MKLN1: variants seen among roughly 807,000 people sequenced by gnomAD.
The protein encoded by MKLN1 is muskelin.
A neutral mutation model predicts 99.0 loss-of-function variants in MKLN1; 18 were observed. The ratio of observed to expected loss-of-function variants is 0.18; its 90% confidence interval spans 0.13 to 0.27. MKLN1 has a LOEUF of 0.27. MKLN1 is among the 10% of genes least tolerant of loss of function. The pLI is 1.00. For missense variants in MKLN1, 621 were observed against 875.9 expected, an observed-to-expected ratio of 0.71 and a Z score of 3.67; for synonymous variants, 288 against 293.2, an observed-to-expected ratio of 0.98 and a Z score of 0.18.
At chr7:131,385,371 G>A (rs1793981320) in intron 2 of MKLN1, among the ~76,000 whole-genome samples, 1 of 150,892 alleles carries the variant, frequency 6.6e-6, no homozygotes. Flanking sequence ...TTTCATTTGG[G>A]TTTATACCTA....
At chr7:131,353,768 A>G (rs2116772757) in intron 1 of MKLN1, among the ~76,000 whole-genome samples, 1 of 148,764 alleles carries the variant, frequency 6.7e-6, no homozygotes, top group African/African-American at 2.5e-5. Flanking sequence ...ATTTTCATTC[A>G]TGATTCATTA....
At chr7:131,165,510 G>A (rs1796111005) in intron 2 of MKLN1, among the ~76,000 whole-genome samples, 1 of 152,140 alleles carries the variant, frequency 6.6e-6, no homozygotes, top group Non-Finnish European at 1.5e-5. Context: ...TTACACAGAA[G>A]GTGTAGGGAA....
chr7:131,244,684 C>T (rs1420765012), intron 3 of MKLN1, among the ~76,000 whole-genome samples: 1 of 152,134 alleles, frequency 6.6e-6, no homozygotes, highest in African/African-American at 2.4e-5. Flanking sequence ...ACGGTGATGA[C>T]GATGATGACG....
At chr7:131,432,931 A>G (rs1045918745) in intron 9 of MKLN1, among the ~76,000 whole-genome samples, 1 of 152,194 alleles carries the variant, frequency 6.6e-6, no homozygotes, top group Admixed American at 6.5e-5. Flanking sequence ...GTCATGTAAA[A>G]ATAACTTTGA....
At chr7:131,227,523 T>TTCTTTCTTTCTTTCTTTCTC (rs1305816787) in intron 3 of MKLN1, among the ~76,000 whole-genome samples, 4 of 148,988 alleles carry the variant, frequency 2.7e-5, no homozygotes, top group Admixed American at 2.0e-4. Flanking sequence ...CTTTCTTTCT[T>TTCTTTCTTTCTTTCTTTCTC]TCTTTCTTTC....
At chr7:131,114,938 G>GAA (rs762049373) in intron 1 of MKLN1, among the ~76,000 whole-genome samples, 2 of 121,078 alleles carry the variant, frequency 1.7e-5, no homozygotes, top group East Asian at 2.3e-4. Context: ...TCTGTCTCAA[G>GAA]AAAAAAAAAA....
At chr7:131,116,421 G>A (rs970492483) in intron 1 of MKLN1, among the ~76,000 whole-genome samples, 1 of 152,016 alleles carries the variant, frequency 6.6e-6, no homozygotes, top group Non-Finnish European at 1.5e-5. Context: ...TCACAAGGCT[G>A]TTAGGAAAAT....
chr7:131,190,401 G>A (rs1451899907), intron 2 of MKLN1, among the ~76,000 whole-genome samples: 1 of 150,978 alleles, frequency 6.6e-6, no homozygotes, highest in Non-Finnish European at 1.5e-5. Flanking sequence ...AAGACAGTCA[G>A]CAGAACAGCA....
At chr7:131,253,935 A>G (rs1797619222) in intron 3 of MKLN1, among the ~76,000 whole-genome samples, 1 of 152,234 alleles carries the variant, frequency 6.6e-6, no homozygotes, top group Non-Finnish European at 1.5e-5. Flanking sequence ...TCCTGAGGTC[A>G]GAACAAACCT....
intron 1 of MKLN1, among the ~76,000 whole-genome samples, chr7:131,141,054 GA>G (rs1450483809): frequency 6.6e-6 from 1 of 152,046 alleles, no homozygotes; most frequent in African/African-American, 2.4e-5. Flanking sequence ...AAAGTGCTGG[GA>G]TTACAGGTGT....
At chr7:131,419,934 A>G (rs1795141199) in intron 8 of MKLN1, among the ~76,000 whole-genome samples, 1 of 152,224 alleles carries the variant, frequency 6.6e-6, no homozygotes, top group African/African-American at 2.4e-5. Context: ...CTTGCATTTT[A>G]ACAAAACAAA....
In MKLN1 at chr7:131,247,228, C is replaced by CTT. The variant is rs1274190670; in HGVS notation, c.-179+44259_-179+44260dup. 1.5e-4 allele frequency among the ~76,000 whole-genome samples: 15 copies of CTT among 97,524 alleles called. No homozygotes were observed. In the East Asian group the frequency reaches 0.011, roughly 74 times the overall value. 64.0% of individuals were successfully genotyped at this position (97,524 alleles called of 152,430 possible). A position where few individuals can be genotyped will look rare whatever the true frequency, so the allele number is the denominator to read the frequency against. On this transcript the variant is annotated intron_variant, in intron 3 of 7. Transcript: ENST00000416992. ...CTTTTTTTTACCTTTTCTTCTTTTT[C>CTT]TTTTTTCTTTTTTTTTTTTTTGTCA...
At chr7:131,174,084 C>T (rs951457311) in intron 2 of MKLN1, among the ~76,000 whole-genome samples, 8 of 151,388 alleles carry the variant, frequency 5.3e-5, no homozygotes, top group South Asian at 2.1e-4. Context: ...GCCATTCTCC[C>T]GCCTCAGCCT....
rs149153483 is a variant in MKLN1, at chr7:131,185,093, T to A, written c.-296-17764T>A. 2.6e-5 allele frequency among the ~76,000 whole-genome samples: 4 copies of A among 152,180 alleles called. No homozygotes were observed. In the East Asian group the frequency reaches 7.8e-4, roughly 30 times the overall value. ...GTGGTGGGAGAAATCAGATCAGAGT[T>A]CAGAATGCACCGTAATGCTCTGTAA... On this transcript the variant is annotated intron_variant, in intron 2 of 7. Transcript: ENST00000416992.
chr7:131,273,729 A>AT (rs1194864757), intron 3 of MKLN1, among the ~76,000 whole-genome samples: 4 of 150,464 alleles, frequency 2.7e-5, no homozygotes, highest in African/African-American at 4.9e-5. Context: ...GGCTCAAGTG[A>AT]TCCCCCCACC....
chr7:131,194,448 T>C (rs1796613109), intron 2 of MKLN1, among the ~76,000 whole-genome samples: 1 of 152,224 alleles, frequency 6.6e-6, no homozygotes, highest in African/African-American at 2.4e-5. Context: ...TGAGTGCATA[T>C]AACAGGTGAG....
rs193094298 is a variant in MKLN1, at chr7:131,460,137, T to C, written c.1526-3080T>C. On this transcript the variant is annotated intron_variant, in intron 12 of 17. Transcript: ENST00000352689. ...TTATTCTTGTTTTGCACATGAAATA[T>C]TCTCTTTAATCTCCTCAAGGATACT... 2.0e-3 allele frequency among the ~76,000 whole-genome samples: 307 copies of C among 152,300 alleles called. 3 individuals are homozygous for C. The highest frequency in any genetic ancestry group is 6.9e-3 in the African/African-American group (287 of 41,574).
intron 3 of MKLN1, among the ~76,000 whole-genome samples, chr7:131,273,102 C>T (rs1394526539): frequency 6.6e-6 from 1 of 152,148 alleles, no homozygotes; most frequent in Non-Finnish European, 1.5e-5. Flanking sequence ...AAGTTAAGTA[C>T]CTTTGCCAAG....
At chr7:131,307,595 C>G (rs1798486707) in intron 3 of MKLN1, among the ~76,000 whole-genome samples, 1 of 152,154 alleles carries the variant, frequency 6.6e-6, no homozygotes, top group Admixed American at 6.5e-5. Flanking sequence ...GACATGGAGT[C>G]AAAGGAGATT....
Sources: gnomAD v4.1 joint callset for allele counts (sites outside exome capture counted in the v4.1 genomes callset) on GRCh38, gnomAD v4.1.1 for gene constraint, MANE v1.5 for transcripts, NCBI Gene and HGNC (gene_info 2026-07-23, HGNC 2026-07-21) for gene names.